IGFL4: variants seen among roughly 807,000 people sequenced by gnomAD.
IGFL4 encodes the protein insulin growth factor-like family member 4.
A neutral mutation model predicts 15.4 loss-of-function variants in IGFL4; 12 were observed. That is an observed-to-expected ratio of 0.78 (90% CI 0.50 to 1.26). The LOEUF (loss-of-function observed/expected upper bound fraction) is 1.26, where lower values mean the gene tolerates loss of function less well. Among genes scored for constraint, IGFL4 ranks in the 50% most tolerant of loss-of-function variants. The probability of loss-of-function intolerance (pLI) is 0.00; values close to 1 mark genes in which losing one functional copy is unlikely to be tolerated. For missense variants in IGFL4, 126 were observed against 147.8 expected (o/e 0.85, Z 0.76); for synonymous variants, 54 against 55.9 (o/e 0.97, Z 0.16).
chr19:46,044,058 G>T (rs1430335866), upstream of IGFL4, among the ~76,000 whole-genome samples: 5 of 152,146 alleles, frequency 3.3e-5, no homozygotes, highest in Non-Finnish European at 7.3e-5. Flanking sequence ...GCAGGGTAGG[G>T]TGATGGTCCA....
intron 1 of IGFL4, among the ~76,000 whole-genome samples, chr19:46,062,370 T>C (rs11083797): frequency 0.32 from 49,078 of 152,066 alleles, 8,212 homozygotes; most frequent in African/African-American, 0.4. Flanking sequence ...CAGGACACCA[T>C]TGGAGAATGG....
intron 2 of IGFL4, among the ~76,000 whole-genome samples, chr19:46,053,108 G>A (rs1312440401): frequency 6.6e-6 from 1 of 152,156 alleles, no homozygotes; most frequent in Non-Finnish European, 1.5e-5. Context: ...TATAATTGGG[G>A]TTGGCTAATA....
At chr19:46,045,525 A>C (rs1222526211), upstream of IGFL4, among the ~76,000 whole-genome samples, 4 of 152,016 alleles carry the variant, frequency 2.6e-5, no homozygotes, top group African/African-American at 9.7e-5. Context: ...AAATAAGCTA[A>C]GAATCATGAT....
intron 2 of IGFL4, among the ~76,000 whole-genome samples, chr19:46,054,100 TTTTTA>T (rs1326375669): frequency 1.3e-5 from 2 of 152,310 alleles, no homozygotes; most frequent in Admixed American, 6.5e-5. Flanking sequence ...TGTGCAGAGC[TTTTTA>T]TTTTGATATA....
chr19:46,076,749 TAA>T (rs1969602594), intron 1 of IGFL4, among the ~76,000 whole-genome samples: 1 of 150,424 alleles, frequency 6.6e-6, no homozygotes, highest in Admixed American at 6.6e-5. Flanking sequence ...GTTGTCAACT[TAA>T]AATGCCCAGA....
rs147337050 is a variant in IGFL4 at position 46,068,299 on chromosome 19, A to T, written c.-431-8006T>A. On this transcript the variant is annotated intron_variant, in intron 1 of 5. Transcript: ENST00000601672. The stretch of plus-strand genomic sequence containing the variant: ...CTGATGTTTCCTTGCAGTGGCTTAG[A>T]CAGTAATCTGAGGTCCTGGGATACA... 2.3e-3 allele frequency among the ~76,000 whole-genome samples: 349 copies of T among 152,304 alleles called. 2 individuals carry two copies. Among genetic ancestry groups the T allele is most frequent in the African/African-American group, 8.1e-3 (335 of 41,554 alleles).
In IGFL4 at chr19:46,040,710, G is replaced by A; in HGVS notation, c.20-142C>T. On this transcript the variant is annotated intron_variant, in intron 1 of 3. Coordinates refer to ENST00000377697, the MANE Select transcript of IGFL4 (RefSeq NM_001002923.3). The surrounding 1 kb of genome is among the most constrained non-coding windows in gnomAD (Gnocchi z 4.1). Reference sequence around the variant, plus strand: ...GGACTGGCTGTGGGTGCAGGTCCTGGGGACTGGGCTTGGCAGGTGAGGAAA... The same window carrying A: ...GGACTGGCTGTGGGTGCAGGTCCTGAGGACTGGGCTTGGCAGGTGAGGAAA... The A allele has an allele frequency of 9.6e-7, 1 of 1,045,716 alleles. No homozygotes were observed. Among genetic ancestry groups the A allele is most frequent in the Non-Finnish European group, 1.5e-6 (1 of 688,698 alleles). The allele number at this position is 1,045,716 out of a possible 1,614,324, so 64.8% of individuals were successfully genotyped here.
chr19:46,040,897 G>C lies in IGFL4; in HGVS notation c.19+47C>G. On this transcript the variant is annotated intron_variant, in intron 1 of 3. Coordinates refer to ENST00000377697, the MANE Select transcript of IGFL4 (RefSeq NM_001002923.3). This position sits in a 1 kb window ranked among gnomAD's most constrained non-coding sequence, Gnocchi z 4.1. ...TTGAAGTTCAGAAATAATTAGGGATGTGATATCATTAGGGATTAGCTTAGC... is the reference window on the plus strand; with the variant it reads ...TTGAAGTTCAGAAATAATTAGGGATCTGATATCATTAGGGATTAGCTTAGC... 1 of 1,522,720 alleles carries C rather than the reference G, an allele frequency of 6.6e-7. No homozygotes were observed. 94.3% of individuals were successfully genotyped at this position (1,522,720 alleles called of 1,614,324 possible).
intron 2 of IGFL4, among the ~76,000 whole-genome samples, chr19:46,054,452 C>G (rs1415391146): frequency 1.3e-5 from 2 of 152,072 alleles, no homozygotes; most frequent in Non-Finnish European, 2.9e-5. Flanking sequence ...CTGTTCTGTT[C>G]CATTGGTCTC....
chr19:46,068,843 G>A (rs1022366719), intron 1 of IGFL4, among the ~76,000 whole-genome samples: 4 of 152,178 alleles, frequency 2.6e-5, no homozygotes, highest in Admixed American at 6.5e-5. Flanking sequence ...AATCACATTC[G>A]GGATTTTGCA....
chr19:46,054,424 G>A (rs2146518377), intron 2 of IGFL4, among the ~76,000 whole-genome samples: 1 of 152,214 alleles, frequency 6.6e-6, no homozygotes, highest in East Asian at 1.9e-4. Context: ...TAGATACTTG[G>A]ATTAATTTTC....
intron 1 of IGFL4, among the ~76,000 whole-genome samples, chr19:46,061,855 C>T (rs1417590783): frequency 4.6e-5 from 7 of 152,110 alleles, no homozygotes; most frequent in Non-Finnish European, 1.0e-4. Context: ...ATTCCCAAAC[C>T]ACTGCCATTA....
chr19:46,067,109 A>G (rs1336496349), intron 1 of IGFL4, among the ~76,000 whole-genome samples: 1 of 152,260 alleles, frequency 6.6e-6, no homozygotes, highest in East Asian at 1.9e-4. Context: ...TCCCCATTTC[A>G]GATCCTCTGA....
At chr19:46,052,703 C>T (rs1969356433) in intron 2 of IGFL4, among the ~76,000 whole-genome samples, 1 of 136,440 alleles carries the variant, frequency 7.3e-6, no homozygotes, top group African/African-American at 2.8e-5. Flanking sequence ...GCCTGGGCGA[C>T]AACAGTGAAA....
At chr19:46,061,466 G>A (rs1239558079) in intron 1 of IGFL4, among the ~76,000 whole-genome samples, 1 of 152,142 alleles carries the variant, frequency 6.6e-6, no homozygotes, top group African/African-American at 2.4e-5. Context: ...TCCAGTAGTT[G>A]TAAGATTGTT....
intron 1 of IGFL4, among the ~76,000 whole-genome samples, chr19:46,060,613 C>T (rs982076622): frequency 1.3e-5 from 2 of 152,078 alleles, no homozygotes; most frequent in South Asian, 2.1e-4. Flanking sequence ...GTCAAAGATA[C>T]GATTGACAAA....
chr19:46,058,676 C>T (rs191266122), intron 2 of IGFL4: 33 of 152,338 alleles, frequency 2.2e-4, no homozygotes, highest in Admixed American at 9.8e-4. Context: ...GAAATCTAGG[C>T]GGAGGTTCCC....
rs371143811 is a variant in IGFL4 at position 46,061,088 on chromosome 19, C to T, written c.-431-795G>A. Among the ~76,000 whole-genome samples, 46 of 152,286 alleles carry T rather than the reference C, an allele frequency of 3.0e-4. 1 individual carries two copies. Among genetic ancestry groups the T allele is most frequent in the African/African-American group, 9.1e-4 (38 of 41,568 alleles). ...TTTAACTTTAGCCAACATGTTCATA[C>T]ACAGAATTTCTTTCACAAGATCAAT... On this transcript the variant is annotated intron_variant, in intron 1 of 5. Transcript: ENST00000601672.
intron 1 of IGFL4, among the ~76,000 whole-genome samples, chr19:46,065,796 T>C (rs1283154841): frequency 6.6e-6 from 1 of 152,220 alleles, no homozygotes; most frequent in Non-Finnish European, 1.5e-5. Context: ...AATCTGTTTC[T>C]CTCCAGTTCT....
Sources: allele counts gnomAD v4.1 joint callset (sites outside exome capture counted in the v4.1 genomes callset), GRCh38; gene constraint gnomAD v4.1.1; non-coding constraint Gnocchi (gnomAD v3.1); transcripts MANE v1.5; gene names NCBI Gene and HGNC (gene_info 2026-07-23, HGNC 2026-07-21).